The following PCLO variants were observed in gnomAD, a reference collection of about 807,000 sequenced individuals.
The protein encoded by PCLO is protein piccolo.
In PCLO, 82 loss-of-function variants were observed where a neutral mutation model predicts 427.5. The ratio of observed to expected loss-of-function variants is 0.19; its 90% CI spans 0.16 to 0.23. The LOEUF is 0.23. Ranked by LOEUF, PCLO falls within the 10% of genes least tolerant of loss-of-function variation. The pLI, the probability that PCLO is intolerant of heterozygous loss-of-function variation, is 1.00. For synonymous variants in PCLO, 2,357 were observed against 2,155.4 expected, an observed-to-expected ratio of 1.09 and a Z score of -2.59; for missense variants, 6,239 against 6,115.9, an observed-to-expected ratio of 1.02 and a Z score of -0.67.
At chr7:82,803,881 C>A (rs1791408491) in intron 21 of PCLO, among the ~76,000 whole-genome samples, 1 of 151,914 alleles carries the variant, frequency 6.6e-6, no homozygotes, top group Non-Finnish European at 1.5e-5. Context: ...TTGTGAGAAG[C>A]TTTGATTTAC....
At chr7:82,868,310 T>C (rs1159795706) in intron 10 of PCLO, 1 of 412,652 alleles carries the variant, frequency 2.4e-6, no homozygotes, top group African/African-American at 2.1e-5. Flanking sequence ...CTACTGGAAT[T>C]AGCTCTTCTA....
chr7:82,784,198 C>A (rs1405678042), intron 22 of PCLO, among the ~76,000 whole-genome samples: 2 of 152,158 alleles, frequency 1.3e-5, no homozygotes, highest in Non-Finnish European at 2.9e-5. Context: ...AATACTGTCC[C>A]ACACCATGTT....
rs1240314667 is a variant in PCLO, at chr7:82,866,303, A to C, written c.13654+13034T>G. Among the ~76,000 whole-genome samples the C allele has an allele frequency of 2.0e-5, 3 of 151,876 alleles. No individual in the cohort carries two copies. The East Asian group carries it at 5.8e-4, about 29-fold the overall frequency. ...CCCTCCTTGCTATATTTTTCTCCTT[A>C]GCGTTTATTATCGTCTAATATATGA... On this transcript the variant is annotated intron_variant, in intron 10 of 24. Coordinates refer to ENST00000333891, the MANE Select transcript of PCLO (RefSeq NM_033026.6).
At chr7:83,139,326 C>A (rs1391404618) in intron 2 of PCLO, among the ~76,000 whole-genome samples, 1 of 151,900 alleles carries the variant, frequency 6.6e-6, no homozygotes, top group African/African-American at 2.4e-5. Flanking sequence ...TGAAAAATTT[C>A]TTGGGATGTA....
intron 3 of PCLO, among the ~76,000 whole-genome samples, chr7:83,104,164 G>A (rs759817360): frequency 2.0e-4 from 26 of 127,200 alleles, no homozygotes; most frequent in Non-Finnish European, 3.8e-4. Flanking sequence ...TTAAGAGAGT[G>A]TTTTAGAAAA....
intron 21 of PCLO, among the ~76,000 whole-genome samples, chr7:82,804,089 T>C (rs1036106890): frequency 3.9e-5 from 6 of 152,152 alleles, no homozygotes; most frequent in Non-Finnish European, 7.4e-5. Flanking sequence ...TTATGTGTGG[T>C]TTAAAACCTT....
chr7:82,812,947 T>C (rs749101654), intron 20 of PCLO, among the ~76,000 whole-genome samples: 4 of 151,554 alleles, frequency 2.6e-5, no homozygotes, highest in Non-Finnish European at 5.9e-5. Context: ...AAGACTACTG[T>C]AAAACATGCA....
At chr7:83,128,366 T>A (rs1186955541) in intron 3 of PCLO, among the ~76,000 whole-genome samples, 1 of 152,134 alleles carries the variant, frequency 6.6e-6, no homozygotes, top group African/African-American at 2.4e-5. Flanking sequence ...GATATTTAAC[T>A]TTTTTCATAC....
intron 19 of PCLO, among the ~76,000 whole-genome samples, chr7:82,823,303 A>G (rs1333802626): frequency 6.6e-6 from 1 of 152,162 alleles, no homozygotes; most frequent in East Asian, 1.9e-4. Flanking sequence ...TCAGTGGCCT[A>G]CTGGACATGG....
chr7:82,952,716 T>C lies in PCLO; in HGVS notation c.8237A>G (p.Asp2746Gly). The C allele has an allele frequency of 6.2e-7, 1 of 1,613,814 alleles. No individual in the cohort carries two copies. ...VEVKTTDKCI[D>G]LSASTMDVKR... is the part of the protein sequence containing the mutation. ...CACATCCATTGTAGAAGCAGAAAGATCAATACATTTATCAGTTGTTTTAAC... is the reference window on the plus strand; with the variant it reads ...CACATCCATTGTAGAAGCAGAAAGACCAATACATTTATCAGTTGTTTTAAC... Residue 2746 changes from aspartate to glycine, a missense_variant, in exon 5 of 25, where the codon GAT (aspartate) becomes GGT (glycine). Physicochemically the swap from Asp to Gly is moderately conservative, Grantham distance 94. Around this residue, in one of 5 missense-constraint regions of PCLO, gnomAD observed 4,677 missense variants for 4,468.4 expected, o/e 1.05. Transcript: ENST00000333891.
At chr7:83,149,703 T>C (rs776420544) in intron 2 of PCLO, among the ~76,000 whole-genome samples, 20 of 152,220 alleles carry the variant, frequency 1.3e-4, no homozygotes, top group Admixed American at 4.6e-4. Flanking sequence ...CACTATTTTC[T>C]ACCAGCTCTT....
chr7:82,925,713 C>CTTTT (rs34017885), intron 6 of PCLO, among the ~76,000 whole-genome samples: 69 of 79,014 alleles, frequency 8.7e-4, no homozygotes, highest in South Asian at 1.0e-3. Flanking sequence ...ATTTTTGTTG[C>CTTTT]TTTTTTTTTT....
At chr7:82,974,283 G>A (rs1795968337) in intron 3 of PCLO, among the ~76,000 whole-genome samples, 1 of 152,152 alleles carries the variant, frequency 6.6e-6, no homozygotes, top group Non-Finnish European at 1.5e-5. Flanking sequence ...CTACTTAGGA[G>A]GTTGAGGCAG....
At chr7:82,771,962 T>A (rs942349851) in intron 22 of PCLO, among the ~76,000 whole-genome samples, 5 of 152,086 alleles carry the variant, frequency 3.3e-5, no homozygotes, top group Non-Finnish European at 7.4e-5. Context: ...GTTTGTTTTA[T>A]GTAGGGAGTT....
At chr7:83,145,896 T>C (rs1791982758) in intron 2 of PCLO, among the ~76,000 whole-genome samples, 1 of 152,200 alleles carries the variant, frequency 6.6e-6, no homozygotes, top group Non-Finnish European at 1.5e-5. Context: ...TGCCCAACTT[T>C]AAAATCTCAT....
At chr7:82,769,669 C>A (rs923873047) in intron 22 of PCLO, among the ~76,000 whole-genome samples, 1 of 151,922 alleles carries the variant, frequency 6.6e-6, no homozygotes, top group Admixed American at 6.6e-5. Flanking sequence ...GAAAAGTCTG[C>A]GTAAGAAAAA....
intron 6 of PCLO, among the ~76,000 whole-genome samples, chr7:82,917,863 G>A (rs1307495376): frequency 6.6e-6 from 1 of 151,818 alleles, no homozygotes; most frequent in Non-Finnish European, 1.5e-5. Flanking sequence ...TATAAATATT[G>A]TACCTGAAAA....
Position 83,134,393 on chromosome 7 carries a change from G to A in PCLO, c.3157C>T (p.Pro1053Ser), listed in dbSNP as rs200276478. 442 of 1,613,754 alleles carry A rather than the reference G, an allele frequency of 2.7e-4. 1 individual carries two copies. Among genetic ancestry groups the A allele is most frequent in the Non-Finnish European group, 3.5e-4 (410 of 1,179,862 alleles). ...AGAGGACAGGTTGATTCTGGTTTGG[G>A]CGATTTCTCCAGTTTTGTGGGAAGG... is the stretch of plus-strand genomic sequence containing the variant. ...AVLPTKLEKSPKPESTCPLCK... is the reference protein window; with the variant it reads ...AVLPTKLEKSSKPESTCPLCK... The change falls in exon 3 of 25, where the codon CCC (proline) becomes TCC (serine). Residue 1053 changes from proline (P) to serine (S), a missense_variant. Physicochemically the swap from Pro to Ser is moderately conservative, Grantham distance 74 (BLOSUM62 -1). Coordinates refer to ENST00000333891, the MANE Select transcript of PCLO (RefSeq NM_033026.6).
intron 3 of PCLO, among the ~76,000 whole-genome samples, chr7:83,025,170 T>C (rs373076017): frequency 4.0e-4 from 61 of 152,216 alleles, no homozygotes; most frequent in Admixed American, 2.0e-3. Flanking sequence ...TACGGGAGGA[T>C]ATTCAAACCA....
Sources: allele counts gnomAD v4.1 joint callset (sites outside exome capture counted in the v4.1 genomes callset), GRCh38; gene constraint gnomAD v4.1.1; regional missense constraint gnomAD v4.1.1; transcripts MANE v1.5; gene names NCBI Gene and HGNC (gene_info 2026-07-23, HGNC 2026-07-21).